PRKCA: variants seen among roughly 807,000 people sequenced by gnomAD.
The protein encoded by PRKCA is protein kinase C alpha type.
In PRKCA, 27 loss-of-function variants were observed where a neutral mutation model predicts 87.0. The ratio of observed to expected loss-of-function variants is 0.31; its 90% confidence interval spans 0.23 to 0.43. The LOEUF is 0.43. Ranked by LOEUF, PRKCA falls within the 20% of genes least tolerant of loss-of-function variation. PRKCA has a pLI of 1.00. For missense variants in PRKCA, 518 were observed against 852.3 expected, an observed-to-expected ratio of 0.61 and a Z score of 4.88; for synonymous variants, 329 against 311.1, an observed-to-expected ratio of 1.06 and a Z score of -0.61.
chr17:66,386,524 A>T (rs1910069009), intron 2 of PRKCA, among the ~76,000 whole-genome samples: 1 of 152,198 alleles, frequency 6.6e-6, no homozygotes, highest in African/African-American at 2.4e-5. Context: ...ATAATATATG[A>T]TGGGTATGTA....
chr17:66,582,705 G>A (rs932849305), intron 3 of PRKCA, among the ~76,000 whole-genome samples: 1 of 152,190 alleles, frequency 6.6e-6, no homozygotes, highest in Non-Finnish European at 1.5e-5. Context: ...TTCTAGGCCT[G>A]TAGTTTGTGT....
intron 3 of PRKCA, among the ~76,000 whole-genome samples, chr17:66,607,580 A>G (rs1449278376): frequency 1.3e-5 from 2 of 152,240 alleles, no homozygotes; most frequent in Non-Finnish European, 2.9e-5. Context: ...AATGTGCGTC[A>G]AACTAAGAAA....
intron 2 of PRKCA, among the ~76,000 whole-genome samples, chr17:66,387,610 G>A (rs4569323): frequency 0.79 from 120,490 of 152,144 alleles, 48,207 homozygotes; most frequent in South Asian, 0.87. Context: ...AATAGAAGCC[G>A]TAGGCTGGGC....
intron 2 of PRKCA, among the ~76,000 whole-genome samples, chr17:66,374,265 T>C (rs955608839): frequency 6.6e-6 from 1 of 152,142 alleles, no homozygotes; most frequent in South Asian, 2.1e-4. Flanking sequence ...CCTCAGCCCA[T>C]GTGTCCCCGC....
chr17:66,673,100 A>C (rs184899606), intron 5 of PRKCA, among the ~76,000 whole-genome samples: 1 of 152,296 alleles, frequency 6.6e-6, no homozygotes, highest in Admixed American at 6.5e-5. Context: ...TTTCTCTCAC[A>C]ACTAGGTTTC....
intron 3 of PRKCA, among the ~76,000 whole-genome samples, chr17:66,540,342 G>T (rs901641678): frequency 6.6e-6 from 1 of 152,224 alleles, no homozygotes; most frequent in African/African-American, 2.4e-5. Context: ...CTCTAAAAGA[G>T]GGGGCGGAGA....
At chr17:66,411,897 C>T (rs1324269248) in intron 2 of PRKCA, among the ~76,000 whole-genome samples, 1 of 151,736 alleles carries the variant, frequency 6.6e-6, no homozygotes. Flanking sequence ...TTAAAAAAAC[C>T]TTACTTTTTA....
chr17:66,778,095 C>G, intron 14 of PRKCA: 1 of 985,466 alleles, frequency 1.0e-6, no homozygotes, highest in Non-Finnish European at 1.2e-6. Flanking sequence ...CCCTGGAGAG[C>G]ACCAGGCTCC....
chr17:66,496,570 A>T (rs947224365), intron 3 of PRKCA, among the ~76,000 whole-genome samples: 7 of 152,180 alleles, frequency 4.6e-5, no homozygotes, highest in Non-Finnish European at 1.0e-4. Flanking sequence ...CACAAACACA[A>T]TGCAGTTGTT....
chr17:66,734,245 GAAGTA>G (rs543314185), intron 9 of PRKCA, among the ~76,000 whole-genome samples: 74 of 152,352 alleles, frequency 4.9e-4, no homozygotes, highest in African/African-American at 1.7e-3. Context: ...GTTTGTTAGA[GAAGTA>G]AAGAAATGAA....
At chr17:66,453,820 G>A (rs183740085) in intron 2 of PRKCA, among the ~76,000 whole-genome samples, 31 of 152,250 alleles carry the variant, frequency 2.0e-4, no homozygotes, top group Middle Eastern at 3.4e-3. Flanking sequence ...ATTTTTTAAG[G>A]TTTTAAGTGT....
At chr17:66,422,309 G>A (rs910013361) in intron 2 of PRKCA, among the ~76,000 whole-genome samples, 2 of 152,152 alleles carry the variant, frequency 1.3e-5, no homozygotes, top group African/African-American at 4.8e-5. Flanking sequence ...CTTTTTCGTA[G>A]TACATTGGCA....
At chr17:66,303,160 G>C (rs1210553439) in intron 1 of PRKCA, 136 bp downstream of exon 1, 2 of 1,210,828 alleles carry the variant, frequency 1.7e-6, no homozygotes, top group Non-Finnish European at 2.2e-6. Context: ...CTCTTCGCCC[G>C]GAGTGACACG....
intron 2 of PRKCA, among the ~76,000 whole-genome samples, chr17:66,345,378 C>T (rs1013636926): frequency 6.6e-6 from 1 of 152,170 alleles, no homozygotes; most frequent in African/African-American, 2.4e-5. Context: ...GGACAATTAT[C>T]TTTCAGTTTC....
At chr17:66,330,999 C>G (rs1377788274) in intron 2 of PRKCA, among the ~76,000 whole-genome samples, 1 of 152,180 alleles carries the variant, frequency 6.6e-6, no homozygotes, top group Non-Finnish European at 1.5e-5. Flanking sequence ...ATCTCTGGAG[C>G]AACTCCATAA....
intron 2 of PRKCA, among the ~76,000 whole-genome samples, chr17:66,387,076 A>C (rs1333984256): frequency 2.6e-5 from 4 of 152,230 alleles, no homozygotes; most frequent in African/African-American, 7.2e-5. Context: ...TGATATTTGC[A>C]TATGGGCAGG....
At position 66,501,444 on chromosome 17, in the gene PRKCA, C is replaced by T. The variant is rs186378444; in HGVS notation, c.288+5161C>T. Among the ~76,000 whole-genome samples the T allele has an allele frequency of 3.2e-3, 487 of 152,312 alleles. 3 individuals carry two copies. Among genetic ancestry groups the T allele is most frequent in the African/African-American group, 0.011 (443 of 41,570 alleles). On this transcript the variant is annotated intron_variant, in intron 3 of 16. Transcript: ENST00000413366. Reference sequence around the variant, plus strand: ...TAGACTTTAAGTCCGTCCCCATACACGCTGAGTAGAGAAGGAATGAAAGCA... The same window carrying T: ...TAGACTTTAAGTCCGTCCCCATACATGCTGAGTAGAGAAGGAATGAAAGCA...
Position 66,427,035 on chromosome 17 carries a change from T to A in PRKCA, c.206-69166T>A, listed in dbSNP as rs115242336. ...GAGACACCAGCCACTTAAAAAAAAA[T>A]TTTTTTTTTAATTTTTAAGAGACGA... is the stretch of plus-strand genomic sequence containing the variant. On this transcript the variant is annotated intron_variant, in intron 2 of 16. Transcript: ENST00000413366. Among the ~76,000 whole-genome samples the A allele has an allele frequency of 2.3e-3, 344 of 151,924 alleles. 1 individual carries two copies. The highest frequency in any genetic ancestry group is 7.6e-3 in the African/African-American group (313 of 41,380).
At chr17:66,615,068 T>G (rs1970479929) in intron 3 of PRKCA, among the ~76,000 whole-genome samples, 1 of 152,158 alleles carries the variant, frequency 6.6e-6, no homozygotes, top group Non-Finnish European at 1.5e-5. Flanking sequence ...CACAGTCCCC[T>G]CTGACCCCAA....
Sources: gnomAD v4.1 joint callset for allele counts (sites outside exome capture counted in the v4.1 genomes callset) on GRCh38, gnomAD v4.1.1 for gene constraint, MANE v1.5 for transcripts, NCBI Gene and HGNC (gene_info 2026-07-23, HGNC 2026-07-21) for gene names.